The following IMMP2L variants were observed in gnomAD, a reference collection of about 807,000 sequenced individuals.
IMMP2L encodes mitochondrial inner membrane protease subunit 2.
In IMMP2L, 18 loss-of-function variants were observed where a neutral mutation model predicts 19.3. That is an observed-to-expected ratio of 0.93 (90% CI 0.64 to 1.38). The LOEUF (loss-of-function observed/expected upper bound fraction) is 1.38, where lower values mean the gene tolerates loss of function less well. Among genes scored for constraint, IMMP2L ranks in the 40% most tolerant of loss-of-function variants. The probability of loss-of-function intolerance (pLI) is 0.00; values close to 1 mark genes in which losing one functional copy is unlikely to be tolerated. For synonymous variants in IMMP2L, 76 were observed against 73.0 expected (o/e 1.04, Z -0.21); for missense variants, 233 against 218.2 (o/e 1.07, Z -0.43).
At chr7:111,146,771 A>C (rs938428967) in intron 3 of IMMP2L, among the ~76,000 whole-genome samples, 9 of 152,152 alleles carry the variant, frequency 5.9e-5, no homozygotes. Flanking sequence ...TGAAAAAAAC[A>C]AATCGATATT....
At chr7:111,374,456 G>T (rs1361479930) in intron 3 of IMMP2L, among the ~76,000 whole-genome samples, 1 of 151,904 alleles carries the variant, frequency 6.6e-6, no homozygotes, top group African/African-American at 2.4e-5. Context: ...CCAAAATTAG[G>T]AAAAAGAAAA....
chr7:110,994,550 G>A (rs1822839635), intron 3 of IMMP2L, among the ~76,000 whole-genome samples: 1 of 152,164 alleles, frequency 6.6e-6, no homozygotes, highest in African/African-American at 2.4e-5. Flanking sequence ...TGACCATACT[G>A]ATGCCAGAAA....
At chr7:111,148,808 A>G (rs892190555) in intron 3 of IMMP2L, among the ~76,000 whole-genome samples, 1 of 151,864 alleles carries the variant, frequency 6.6e-6, no homozygotes, top group South Asian at 2.1e-4. Context: ...TAGTTTATTT[A>G]TTGTCAAATG....
At position 110,789,133 on chromosome 7, in the gene IMMP2L, C is replaced by T. The variant is rs139753776; in HGVS notation, c.408+97460G>A. 2.0e-4 allele frequency among the ~76,000 whole-genome samples: 31 copies of T among 151,908 alleles called. 1 individual carries two copies. Among genetic ancestry groups the T allele is most frequent in the African/African-American group, 6.5e-4 (27 of 41,272 alleles). On this transcript the variant is annotated intron_variant, in intron 5 of 5. Transcript: ENST00000405709. ...ATTGCCAGACATGTGAATGAAGACA[C>T]TTCCAGATAATTCCAGTCTCTCACC...
intron 3 of IMMP2L, among the ~76,000 whole-genome samples, chr7:111,230,104 A>G (rs552337639): frequency 6.6e-6 from 1 of 152,166 alleles, no homozygotes; most frequent in East Asian, 1.9e-4. Flanking sequence ...AAAACAAACA[A>G]TAATGAGTTG....
At chr7:110,778,918 G>A (rs926863268) in intron 5 of IMMP2L, among the ~76,000 whole-genome samples, 1 of 151,968 alleles carries the variant, frequency 6.6e-6, no homozygotes, top group African/African-American at 2.4e-5. Context: ...TCAAGTCATC[G>A]GGTTAAAATG....
Position 111,500,115 on chromosome 7 carries a change from G to A in IMMP2L, c.136-12774C>T, listed in dbSNP as rs754461346. On this transcript the variant is annotated intron_variant, in intron 2 of 5. Transcript: ENST00000405709. The stretch of plus-strand genomic sequence containing the variant: ...CGGGTCACTCCCACCCTAATACTGC[G>A]CTTTTCCAACAGGCTTAAAAAAACG... Among the ~76,000 whole-genome samples the A allele has an allele frequency of 9.9e-5, 15 of 152,182 alleles. No individual in the cohort carries two copies. The South Asian group carries it at 1.9e-3, about 19-fold the overall frequency.
chr7:111,186,752 T>A (rs949234337), intron 3 of IMMP2L, among the ~76,000 whole-genome samples: 3 of 152,032 alleles, frequency 2.0e-5, no homozygotes, highest in African/African-American at 7.3e-5. Flanking sequence ...TAATCAGGCA[T>A]GCTGATGAGG....
At chr7:111,346,749 T>C (rs1827606376) in intron 3 of IMMP2L, among the ~76,000 whole-genome samples, 1 of 152,166 alleles carries the variant, frequency 6.6e-6, no homozygotes, top group African/African-American at 2.4e-5. Context: ...AGAGAGATTT[T>C]TAAAAGCAGA....
intron 3 of IMMP2L, among the ~76,000 whole-genome samples, chr7:111,156,154 T>C (rs1804622708): frequency 6.6e-6 from 1 of 152,108 alleles, no homozygotes; most frequent in Non-Finnish European, 1.5e-5. Flanking sequence ...AATACTGTTG[T>C]AGACACTCTT....
chr7:110,762,990 C>A (rs1409711353), intron 5 of IMMP2L, among the ~76,000 whole-genome samples: 1 of 152,052 alleles, frequency 6.6e-6, no homozygotes, highest in South Asian at 2.1e-4. Flanking sequence ...ATAAAACCAT[C>A]CTTTGAGCTG....
At chr7:110,685,609 A>G (rs1196385292) in intron 5 of IMMP2L, among the ~76,000 whole-genome samples, 1 of 152,108 alleles carries the variant, frequency 6.6e-6, no homozygotes, top group Admixed American at 6.6e-5. Flanking sequence ...CTAGTTTATG[A>G]TGGTTTATTG....
chr7:111,149,803 G>C (rs1803874734), intron 3 of IMMP2L, among the ~76,000 whole-genome samples: 1 of 152,120 alleles, frequency 6.6e-6, no homozygotes, highest in African/African-American at 2.4e-5. Context: ...ATAGCTATTT[G>C]AGTCATCTAC....
chr7:111,441,836 A>C (rs1837758064), intron 3 of IMMP2L, among the ~76,000 whole-genome samples: 2 of 151,760 alleles, frequency 1.3e-5, no homozygotes. Flanking sequence ...TGTAAAACTC[A>C]CATGAAAAGC....
chr7:111,140,745 T>A (rs1371244593), intron 3 of IMMP2L, among the ~76,000 whole-genome samples: 1 of 152,200 alleles, frequency 6.6e-6, no homozygotes, highest in African/African-American at 2.4e-5. Context: ...TGCTCTTCAT[T>A]CATGCAAATG....
rs147447236 is a variant in IMMP2L at position 110,843,166 on chromosome 7, T to C, written c.408+43427A>G. 7.2e-3 allele frequency among the ~76,000 whole-genome samples: 1,095 copies of C among 152,294 alleles called. 8 individuals are homozygous for C. The highest frequency in any genetic ancestry group is 0.01 in the Middle Eastern group (3 of 294). On this transcript the variant is annotated intron_variant, in intron 5 of 5. Coordinates refer to ENST00000405709, the MANE Select transcript of IMMP2L (RefSeq NM_032549.4). Reference sequence around the variant, plus strand: ...CAGTGAACATGAACTTTTAATGGTATTGAATTTATTCCAAGCCTTATAGTA... The same window carrying C: ...CAGTGAACATGAACTTTTAATGGTACTGAATTTATTCCAAGCCTTATAGTA...
chr7:110,867,127 A>C (rs1337449488), intron 5 of IMMP2L, among the ~76,000 whole-genome samples: 2 of 151,934 alleles, frequency 1.3e-5, no homozygotes, highest in East Asian at 3.9e-4. Flanking sequence ...TGGGTGACTT[A>C]AACAACAGAA....
chr7:110,724,385 A>C (rs1209631377), intron 5 of IMMP2L: 1 of 152,132 alleles, frequency 6.6e-6, no homozygotes, highest in Non-Finnish European at 1.5e-5. Context: ...CAATGCCTTA[A>C]CTTCCAAACT....
At chr7:110,930,393 C>G (rs1001514499) in intron 4 of IMMP2L, among the ~76,000 whole-genome samples, 4 of 152,004 alleles carry the variant, frequency 2.6e-5, no homozygotes, top group African/African-American at 9.6e-5. Context: ...ATTGTTTACA[C>G]CACTCATAAA....
Sources: gnomAD v4.1 joint callset for allele counts (sites outside exome capture counted in the v4.1 genomes callset) on GRCh38, gnomAD v4.1.1 for gene constraint, MANE v1.5 for transcripts, NCBI Gene and HGNC (gene_info 2026-07-23, HGNC 2026-07-21) for gene names.